The following PTPRQ variants were observed in gnomAD, a reference collection of about 807,000 sequenced individuals.
The protein encoded by PTPRQ is protein tyrosine phosphatase receptor type Q.
Under a neutral mutation model 246.0 loss-of-function variants are expected in PTPRQ, and 199 were observed. The ratio of observed to expected loss-of-function variants is 0.81; its 90% CI spans 0.72 to 0.91. PTPRQ has a LOEUF of 0.91. Ranked by LOEUF, PTPRQ falls within the 40% of genes least tolerant of loss-of-function variation. The pLI, the probability that PTPRQ is intolerant of heterozygous loss-of-function variation, is 0.00. For synonymous variants in PTPRQ, 869 were observed against 853.2 expected (o/e 1.02, Z -0.32); for missense variants, 2,624 against 2,528.4 (o/e 1.04, Z -0.81).
intron 27 of PTPRQ, among the ~76,000 whole-genome samples, chr12:80,609,982 C>T (rs1273383879): frequency 6.6e-6 from 1 of 150,388 alleles, no homozygotes; most frequent in Non-Finnish European, 1.5e-5. Context: ...CTCAGTGAAA[C>T]ACTGTAAATA....
At chr12:80,455,503 G>A (rs556187020) in intron 3 of PTPRQ, among the ~76,000 whole-genome samples, 3 of 151,972 alleles carry the variant, frequency 2.0e-5, no homozygotes, top group African/African-American at 7.2e-5. Flanking sequence ...GCTAAGAATC[G>A]TGAACTCAAT....
intron 26 of PTPRQ, among the ~76,000 whole-genome samples, chr12:80,603,787 C>T (rs1022366424): frequency 2.0e-5 from 3 of 151,510 alleles, no homozygotes; most frequent in African/African-American, 7.3e-5. Flanking sequence ...CAATTCCCAC[C>T]TTCACTGTGC....
rs869286273 is a variant in PTPRQ, at chr12:80,496,542, G to GT, written c.2272+15dup. The GT allele has an allele frequency of 4.9e-6, 7 of 1,424,832 alleles. No individual in the cohort carries two copies. The highest frequency in any genetic ancestry group is 6.5e-6 in the Non-Finnish European group (7 of 1,085,002). The allele number at this position is 1,424,832 out of a possible 1,614,324, so 88.3% of individuals were successfully genotyped here. Reference sequence around the variant, plus strand: ...GGACTTCGGAGACTGGTGAGCTTTTGTTTTCTTTGTTTGTTTAATAATACA... The same window carrying GT: ...GGACTTCGGAGACTGGTGAGCTTTTGTTTTTCTTTGTTTGTTTAATAATACA... On this transcript the variant is annotated intron_variant, in intron 14 of 44. Transcript: ENST00000644991.
intron 25 of PTPRQ, among the ~76,000 whole-genome samples, chr12:80,571,316 T>C (rs1282328337): frequency 1.3e-5 from 2 of 152,194 alleles, no homozygotes; most frequent in African/African-American, 4.8e-5. Context: ...ATTTTTATAT[T>C]TTTAGTAGAG....
At position 80,670,524 on chromosome 12, in the gene PTPRQ, C is replaced by T. The variant is rs762133077; in HGVS notation, c.6602+32C>T. On this transcript the variant is annotated intron_variant, in intron 42 of 44. Transcript: ENST00000644991. ...AAGTGATCAGAAATGGCCTTTGAAC[C>T]CATTGGTCTTTTTATTATTAAAATT... The T allele has an allele frequency of 6.3e-6, 9 of 1,430,078 alleles. No individual in the cohort carries two copies. The South Asian group carries it at 1.1e-4, about 17-fold the overall frequency. 88.6% of individuals were successfully genotyped at this position (1,430,078 alleles called of 1,614,324 possible).
intron 25 of PTPRQ, among the ~76,000 whole-genome samples, chr12:80,552,529 A>C (rs954849938): frequency 2.0e-5 from 3 of 151,076 alleles, no homozygotes; most frequent in African/African-American, 7.3e-5. Flanking sequence ...CAGCTTAGAC[A>C]CAGGAATGAA....
At chr12:80,461,390 T>A (rs1419118791) in intron 6 of PTPRQ, among the ~76,000 whole-genome samples, 2 of 152,116 alleles carry the variant, frequency 1.3e-5, no homozygotes, top group East Asian at 3.9e-4. Flanking sequence ...ATAGAGACAG[T>A]AATAGTACCT....
intron 23 of PTPRQ, among the ~76,000 whole-genome samples, chr12:80,545,958 A>G (rs1321558026): frequency 6.6e-6 from 1 of 151,926 alleles, no homozygotes; most frequent in African/African-American, 2.4e-5. Context: ...AATTATGCAA[A>G]TTAAAAAAAA....
rs962750885 is a variant in PTPRQ, at chr12:80,588,216, G to A, written c.4373G>A (p.Gly1458Asp). 9 of 1,551,354 alleles carry A rather than the reference G, an allele frequency of 5.8e-6. No homozygotes were observed. The Admixed American group carries it at 1.2e-4, about 20-fold the overall frequency. The stretch of plus-strand genomic sequence containing the variant: ...TGGATAAGACCTGACACTATCCTTG[G>A]CTACTTTCAAAATTACAAAATTACC... Reference protein sequence around the residue: ...LTWIRPDTILGYFQNYKITTQ... With the variant: ...LTWIRPDTILDYFQNYKITTQ... The change falls in exon 26 of 45, where the codon GGC (glycine) becomes GAC (aspartate). Residue 1458 changes from glycine (G) to aspartate (D), a missense_variant. Transcript: ENST00000644991.
chr12:80,571,595 C>T (rs1025378971), intron 25 of PTPRQ, among the ~76,000 whole-genome samples: 2 of 152,024 alleles, frequency 1.3e-5, no homozygotes, highest in African/African-American at 4.8e-5. Context: ...CATTTTGTGT[C>T]CTAATTAAAT....
At chr12:80,641,951 TTC>T (rs1261769342) in intron 35 of PTPRQ, among the ~76,000 whole-genome samples, 1 of 151,034 alleles carries the variant, frequency 6.6e-6, no homozygotes, top group Non-Finnish European at 1.5e-5. Context: ...TTTCTCTTCT[TTC>T]TCTTTTTTCT....
chr12:80,606,110 G>A (rs1435056156), intron 27 of PTPRQ, among the ~76,000 whole-genome samples: 2 of 151,048 alleles, frequency 1.3e-5, no homozygotes, highest in African/African-American at 2.4e-5. Context: ...AAGATTATGA[G>A]GAGGAACAGA....
chr12:80,462,387 A>G (rs1201533334), intron 6 of PTPRQ: 2 of 192,616 alleles, frequency 1.0e-5, no homozygotes, highest in Admixed American at 6.0e-5. Context: ...GGAGCCCACC[A>G]CAGCTCAAGG....
At chr12:80,529,065 C>A (rs1895771801) in intron 17 of PTPRQ, among the ~76,000 whole-genome samples, 2 of 152,160 alleles carry the variant, frequency 1.3e-5, no homozygotes, top group African/African-American at 4.8e-5. Context: ...TAGGAATGTG[C>A]AACTGTTTAT....
At chr12:80,657,145 G>C (rs1900470334) in intron 38 of PTPRQ, among the ~76,000 whole-genome samples, 1 of 151,790 alleles carries the variant, frequency 6.6e-6, no homozygotes. Flanking sequence ...AAGGCGATAT[G>C]TAGCCTTCTG....
intron 19 of PTPRQ, among the ~76,000 whole-genome samples, chr12:80,539,365 C>T (rs1270508983): frequency 6.6e-6 from 1 of 152,074 alleles, no homozygotes; most frequent in African/African-American, 2.4e-5. Context: ...TCCTTCATCA[C>T]AAATGGAAAG....
chr12:80,643,271 CT>C (rs985603253), intron 35 of PTPRQ, among the ~76,000 whole-genome samples: 1 of 151,978 alleles, frequency 6.6e-6, no homozygotes, highest in African/African-American at 2.4e-5. Flanking sequence ...AATCCCGTCT[CT>C]ACTAAAAGTA....
At chr12:80,532,790 A>G (rs530293454) in intron 17 of PTPRQ, among the ~76,000 whole-genome samples, 1 of 152,340 alleles carries the variant, frequency 6.6e-6, no homozygotes, top group East Asian at 1.9e-4. Context: ...GCCTGTCTCC[A>G]ATCACATACT....
intron 33 of PTPRQ, 111 bp downstream of exon 33, chr12:80,622,245 T>G: frequency 1.1e-6 from 1 of 918,086 alleles, no homozygotes; most frequent in Non-Finnish European, 1.5e-6. Context: ...TAAACTCATT[T>G]AAATGTTAAT....
Sources: gnomAD v4.1 joint callset for allele counts (sites outside exome capture counted in the v4.1 genomes callset) on GRCh38, gnomAD v4.1.1 for gene constraint, MANE v1.5 for transcripts, NCBI Gene and HGNC (gene_info 2026-07-23, HGNC 2026-07-21) for gene names.